The following ST3GAL2 variants were observed in gnomAD, a reference collection of about 807,000 sequenced individuals.
ST3GAL2 encodes ST3 beta-galactoside alpha-2,3-sialyltransferase 2.
A neutral mutation model predicts 37.5 loss-of-function variants in ST3GAL2; 16 were observed. The ratio of observed to expected loss-of-function variants is 0.43; its 90% CI spans 0.29 to 0.65. The LOEUF (loss-of-function observed/expected upper bound fraction) is 0.65. Among genes scored for constraint, ST3GAL2 ranks in the 30% least tolerant of loss-of-function variants. The pLI, the probability that ST3GAL2 is intolerant of heterozygous loss-of-function variation, is 0.17. For synonymous variants in ST3GAL2, 238 were observed against 202.9 expected (o/e 1.17, Z -1.47); for missense variants, 383 against 487.8 (o/e 0.79, Z 2.02).
Position 70,381,555 on chromosome 16 carries a change from A to G in ST3GAL2, c.*134T>C. The G allele has an allele frequency of 9.2e-7, 1 of 1,082,750 alleles. No individual in the cohort carries two copies. The highest frequency in any genetic ancestry group is 1.3e-6 in the Non-Finnish European group (1 of 775,406). 67.1% of individuals were successfully genotyped at this position (1,082,750 alleles called of 1,614,324 possible). On this transcript the variant is annotated 3_prime_UTR_variant, in exon 7 of 7. Coordinates refer to ENST00000342907, the MANE Select transcript of ST3GAL2 (RefSeq NM_006927.4). Reference sequence around the variant, plus strand: ...TGGTGCCAGGCCCGGCCGGTCCCCCAGTCTCGTGATTGGCGGGGCACAGCA... The same window carrying G: ...TGGTGCCAGGCCCGGCCGGTCCCCCGGTCTCGTGATTGGCGGGGCACAGCA...
At chr16:70,411,106 C>T (rs944698096) in intron 1 of ST3GAL2, among the ~76,000 whole-genome samples, 4 of 152,020 alleles carry the variant, frequency 2.6e-5, no homozygotes, top group East Asian at 1.9e-4. Flanking sequence ...AATAAGCAGC[C>T]GGGCGCAGTG....
intron 1 of ST3GAL2, among the ~76,000 whole-genome samples, chr16:70,420,456 T>C (rs2047707284): frequency 6.6e-6 from 1 of 152,160 alleles, no homozygotes; most frequent in Admixed American, 6.5e-5. Flanking sequence ...GAGATCTGAC[T>C]GCAGGGTGGT....
rs552108718 is a variant in ST3GAL2 at position 70,391,410 on chromosome 16, G to C, written c.534-2864C>G. Among the ~76,000 whole-genome samples, 5 of 152,292 alleles carry C rather than the reference G, an allele frequency of 3.3e-5. No homozygotes were observed. The East Asian group carries it at 9.6e-4, about 29-fold the overall frequency. The stretch of plus-strand genomic sequence containing the variant: ...CTCTCCCAAATTCATGTCCTTCAGT[G>C]AACTGCCCCTTTGAGCCCGGTCTTT... On this transcript the variant is annotated intron_variant, in intron 3 of 6. Transcript: ENST00000342907.
At chr16:70,435,205 T>A (rs2047816801) in intron 1 of ST3GAL2, among the ~76,000 whole-genome samples, 2 of 152,094 alleles carry the variant, frequency 1.3e-5, no homozygotes, top group Admixed American at 1.3e-4. Flanking sequence ...TCATTACCAA[T>A]CCTGGGCAAC....
At chr16:70,407,050 T>C (rs1031131933) in intron 1 of ST3GAL2, among the ~76,000 whole-genome samples, 3 of 151,614 alleles carry the variant, frequency 2.0e-5, no homozygotes, top group Admixed American at 6.6e-5. Flanking sequence ...ATTGTTGGGG[T>C]TGGAGATTTA....
In ST3GAL2 at chr16:70,380,872, AT is replaced by A. The variant is rs913622584; in HGVS notation, c.*816del. 3.9e-5 allele frequency: 6 copies of A among 153,576 alleles called. No individual in the cohort carries two copies. Among genetic ancestry groups the A allele is most frequent in the South Asian group, 2.0e-4 (1 of 4,940 alleles). 9.5% of individuals were successfully genotyped at this position (153,576 alleles called of 1,614,324 possible). A position where few individuals can be genotyped will look rare whatever the true frequency, so the allele number is the denominator to read the frequency against. On this transcript the variant is annotated 3_prime_UTR_variant, in exon 7 of 7. Transcript: ENST00000342907. ...GGTAGGGACGGAGTCGGGGGACGGG[AT>A]TTTTTTCCAGAGCAACAGGTAGGCT... is the stretch of plus-strand genomic sequence containing the variant.
chr16:70,431,963 TA>T (rs1397244157), intron 1 of ST3GAL2, among the ~76,000 whole-genome samples: 1 of 138,592 alleles, frequency 7.2e-6, no homozygotes. Flanking sequence ...GACTCCGTCT[TA>T]AAAAAAATAT....
chr16:70,431,491 C>G (rs1478273856), intron 1 of ST3GAL2, among the ~76,000 whole-genome samples: 2 of 152,170 alleles, frequency 1.3e-5, no homozygotes, highest in African/African-American at 2.4e-5. Flanking sequence ...CACCTAGAAA[C>G]CAATAGCATC....
chr16:70,394,711 G>T (rs2047503591), intron 3 of ST3GAL2, among the ~76,000 whole-genome samples: 1 of 152,158 alleles, frequency 6.6e-6, no homozygotes, highest in African/African-American at 2.4e-5. Flanking sequence ...AATCAGCCAG[G>T]AATCTAATGT....
In ST3GAL2 at chr16:70,376,914, T is replaced by G. The variant is rs945073093; in HGVS notation, c.*4775A>C. The G allele has an allele frequency of 2.0e-5, 3 of 151,980 alleles. No homozygotes were observed. Among genetic ancestry groups the G allele is most frequent in the African/African-American group, 4.8e-5 (2 of 41,396 alleles). 9.4% of individuals were successfully genotyped at this position (151,980 alleles called of 1,614,324 possible). On this transcript the variant is annotated 3_prime_UTR_variant, in exon 7 of 7. Coordinates refer to ENST00000342907, the MANE Select transcript of ST3GAL2 (RefSeq NM_006927.4). ...CTGCCACTAAGCCTGGCCAATTTTT[T>G]GTATTTTTAGTAGAGACGGGGTTTC...
At chr16:70,425,419 G>A (rs923184635) in intron 1 of ST3GAL2, among the ~76,000 whole-genome samples, 2 of 152,040 alleles carry the variant, frequency 1.3e-5, no homozygotes, top group Non-Finnish European at 2.9e-5. Flanking sequence ...CTGAGATCGT[G>A]CCACTGCACT....
rs749422742 is a variant in ST3GAL2, at chr16:70,401,994, CAAAAAAAAA to C, written c.-1003-2470_-1003-2462del. Among the ~76,000 whole-genome samples, 4 of 60,198 alleles carry C rather than the reference CAAAAAAAAA, an allele frequency of 6.6e-5. No individual in the cohort carries two copies. The South Asian group carries it at 2.6e-3, about 39-fold the overall frequency. 39.5% of individuals were successfully genotyped at this position (60,198 alleles called of 152,430 possible). A position where few individuals can be genotyped will look rare whatever the true frequency, so the allele number is the denominator to read the frequency against. ...GGGCGACAAGAGCAAAACTCTGCCT[CAAAAAAAAA>C]AAAAAAAAAAAAAAGACCAGGCATG... On this transcript the variant is annotated intron_variant, in intron 1 of 6. Transcript: ENST00000342907.
intron 1 of ST3GAL2, among the ~76,000 whole-genome samples, chr16:70,420,282 G>T (rs1037365903): frequency 6.6e-6 from 1 of 152,232 alleles, no homozygotes; most frequent in African/African-American, 2.4e-5. Flanking sequence ...GGCCTGAGCA[G>T]CATGGCAAGA....
chr16:70,418,405 CA>C (rs2047690461), intron 1 of ST3GAL2, among the ~76,000 whole-genome samples: 1 of 152,176 alleles, frequency 6.6e-6, no homozygotes, highest in Non-Finnish European at 1.5e-5. Context: ...CCAAAGGTAT[CA>C]GGGGCAGCTG....
rs190980931 is a variant in ST3GAL2 at position 70,405,826 on chromosome 16, C to T, written c.-1003-6293G>A. 3.5e-4 allele frequency among the ~76,000 whole-genome samples: 53 copies of T among 151,694 alleles called. No individual in the cohort carries two copies. In the East Asian group the frequency reaches 9.6e-3, roughly 27 times the overall value. ...CTGTAATCCCAGCACTTTGGGAGGC[C>T]GAGGCAGGTGGATCACGAGGTCAGG... On this transcript the variant is annotated intron_variant, in intron 1 of 6. Transcript: ENST00000342907.
At chr16:70,429,456 A>G (rs555792294) in intron 1 of ST3GAL2, among the ~76,000 whole-genome samples, 2 of 151,838 alleles carry the variant, frequency 1.3e-5, no homozygotes, top group Non-Finnish European at 2.9e-5. Flanking sequence ...AGCCGGGCGT[A>G]GTGGCAGATG....
chr16:70,392,319 A>T (rs1338689436), intron 3 of ST3GAL2, among the ~76,000 whole-genome samples: 1 of 152,236 alleles, frequency 6.6e-6, no homozygotes, highest in Non-Finnish European at 1.5e-5. Flanking sequence ...ACGCCCTGGA[A>T]AGGGGCCAGA....
chr16:70,413,118 C>T (rs1173444284), intron 1 of ST3GAL2, among the ~76,000 whole-genome samples: 5 of 151,938 alleles, frequency 3.3e-5, no homozygotes, highest in Admixed American at 6.6e-5. Flanking sequence ...GGCATGGTGG[C>T]GGATGCCTGT....
At chr16:70,394,151 G>A (rs1277744458) in intron 3 of ST3GAL2, among the ~76,000 whole-genome samples, 1 of 152,150 alleles carries the variant, frequency 6.6e-6, no homozygotes, top group Non-Finnish European at 1.5e-5. Context: ...AAGACTGAAC[G>A]CCCTCCCAAC....
Sources: allele counts gnomAD v4.1 joint callset (sites outside exome capture counted in the v4.1 genomes callset), GRCh38; gene constraint gnomAD v4.1.1; transcripts MANE v1.5; gene names NCBI Gene and HGNC (gene_info 2026-07-23, HGNC 2026-07-21).